Variants in ANKMY1 observed in about 807,000 individuals in gnomAD.
The protein encoded by ANKMY1 is ankyrin repeat and MYND domain containing 1, also known as ankyrin repeat and MYND domain-containing protein 1.
Under a neutral mutation model 102.0 loss-of-function variants are expected in ANKMY1, and 98 were observed. The observed-to-expected ratio is 0.96, with a 90% CI of 0.82 to 1.14. ANKMY1 has a LOEUF of 1.14. Ranked by LOEUF, ANKMY1 falls within the 50% of genes most tolerant of loss-of-function variation. The pLI, the probability that ANKMY1 is intolerant of heterozygous loss-of-function variation, is 0.00. For synonymous variants in ANKMY1, 582 were observed against 559.9 expected, an observed-to-expected ratio of 1.04 and a Z score of -0.56; for missense variants, 1,330 against 1,347.6, an observed-to-expected ratio of 0.99 and a Z score of 0.20.
intron 16 of ANKMY1, 89 bp from the exon 17 acceptor site, chr2:240,481,186 G>C (rs944787412): frequency 1.3e-6 from 2 of 1,506,468 alleles, no homozygotes; most frequent in Non-Finnish European, 1.8e-6. Flanking sequence ...GCCTGGCCCT[G>C]AGCTCCTGGG....
chr2:240,523,772 A>G lies in ANKMY1; in HGVS notation c.1832+113T>C, dbSNP rs376251536. On this transcript the variant is annotated intron_variant, in intron 8 of 17. Coordinates refer to ENST00000401804, the MANE Select transcript of ANKMY1 (RefSeq NM_001282771.3). Reference sequence around the variant, plus strand: ...GGGATGCTCACACATTCAGACACACATCTCCAGACACAACGCCTCCCACTG... The same window carrying G: ...GGGATGCTCACACATTCAGACACACGTCTCCAGACACAACGCCTCCCACTG... 333 of 1,450,146 alleles carry G rather than the reference A, an allele frequency of 2.3e-4. 1 individual carries two copies. Among genetic ancestry groups the G allele is most frequent in the Admixed American group, 2.6e-4 (12 of 45,358 alleles). 89.8% of individuals were successfully genotyped at this position (1,450,146 alleles called of 1,614,324 possible).
chr2:240,504,446 C>G (rs1553565134), intron 13 of ANKMY1, among the ~76,000 whole-genome samples: 4 of 151,498 alleles, frequency 2.6e-5, no homozygotes, highest in Non-Finnish European at 1.5e-5. Context: ...AAGGCAAAGG[C>G]AACAAAAGAA....
chr2:240,521,655 C>G (rs567954469), intron 8 of ANKMY1, among the ~76,000 whole-genome samples: 1 of 151,994 alleles, frequency 6.6e-6, no homozygotes, highest in Non-Finnish European at 1.5e-5. Flanking sequence ...CCCGCCACCA[C>G]GCCTGGCTAA....
downstream of ANKMY1, among the ~76,000 whole-genome samples, chr2:240,478,839 A>G (rs1343006751): frequency 6.7e-6 from 1 of 149,456 alleles, no homozygotes; most frequent in Non-Finnish European, 1.5e-5. Context: ...CACCCCCCAC[A>G]CTCCCAGCTA....
chr2:240,557,483 TG>T, intron 1 of ANKMY1, 131 bp from the exon 2 acceptor site: 4 of 1,077,236 alleles, frequency 3.7e-6, no homozygotes, highest in Non-Finnish European at 4.9e-6. Flanking sequence ...CGCCGGAGCC[TG>T]GGCCGCCACC....
rs1320856970 is a variant in ANKMY1 at position 240,520,478 on chromosome 2, T to C, written c.1888A>G (p.Asn630Asp). The change falls in exon 9 of 18, where the codon AAC becomes GAC. Residue 630 changes from asparagine (N) to aspartate (D), a missense_variant. Physicochemically the swap from Asn to Asp is conservative, Grantham distance 23. Coordinates refer to ENST00000401804, the MANE Select transcript of ANKMY1 (RefSeq NM_001282771.3). This position sits in a 1 kb window ranked among gnomAD's most constrained non-coding sequence, Gnocchi z 4.8. Reference sequence around the variant, plus strand: ...ACCTGCATGGGCACGCAGCACAGGTTGGGGTCCGCGCCCCGGCGCAGCAGC... The same window carrying C: ...ACCTGCATGGGCACGCAGCACAGGTCGGGGTCCGCGCCCCGGCGCAGCAGC... ...KLLLRRGADP[N>D]LCCVPMQVLF... 6.2e-7 allele frequency: 1 copy of C among 1,613,362 alleles called. No individual in the cohort carries two copies. Among genetic ancestry groups the C allele is most frequent in the Non-Finnish European group, 8.5e-7 (1 of 1,179,742 alleles).
intron 4 of ANKMY1, among the ~76,000 whole-genome samples, chr2:240,540,522 G>A (rs1476907469): frequency 6.6e-6 from 1 of 152,168 alleles, no homozygotes; most frequent in African/African-American, 2.4e-5. Flanking sequence ...CATCCAATGA[G>A]ACTCCAGGCC....
At chr2:240,523,859 C>A (rs2082810568) in intron 8 of ANKMY1, 26 bp downstream of exon 8, 1 of 1,601,616 alleles carries the variant, frequency 6.2e-7, no homozygotes, top group Non-Finnish European at 8.5e-7. Flanking sequence ...GGCCCTCCAC[C>A]CCCACCAGCT....
chr2:240,508,116 A>G (rs1037849210), intron 12 of ANKMY1, among the ~76,000 whole-genome samples: 1 of 152,226 alleles, frequency 6.6e-6, no homozygotes, highest in Non-Finnish European at 1.5e-5. Flanking sequence ...GCACCGGGGC[A>G]CCAGTGTCAA....
intron 13 of ANKMY1, among the ~76,000 whole-genome samples, chr2:240,503,105 G>A (rs1304708576): frequency 1.3e-5 from 2 of 152,202 alleles, no homozygotes; most frequent in African/African-American, 4.8e-5. Context: ...CCTGCTGAAC[G>A]GCACCGGGAG....
intron 4 of ANKMY1, among the ~76,000 whole-genome samples, chr2:240,543,219 G>A (rs2089451469): frequency 6.6e-6 from 1 of 151,814 alleles, no homozygotes; most frequent in South Asian, 2.1e-4. Flanking sequence ...CGGGTGTGGT[G>A]GCGGGCACCT....
chr2:240,497,549 T>C (rs1431592043), intron 15 of ANKMY1, among the ~76,000 whole-genome samples: 2 of 152,234 alleles, frequency 1.3e-5, no homozygotes, highest in Non-Finnish European at 2.9e-5. Flanking sequence ...TGCTGTGTGC[T>C]CTTTAGATCA....
intron 4 of ANKMY1, among the ~76,000 whole-genome samples, chr2:240,549,934 C>T (rs2091197981): frequency 6.6e-6 from 1 of 151,820 alleles, no homozygotes; most frequent in Admixed American, 6.6e-5. Context: ...TAAACTAGTT[C>T]AACCATTGTG....
At chr2:240,479,004 C>T (rs2075052508), downstream of ANKMY1, among the ~76,000 whole-genome samples, 1 of 152,232 alleles carries the variant, frequency 6.6e-6, no homozygotes, top group Non-Finnish European at 1.5e-5. Context: ...TCGAAGGCAA[C>T]ACTGCTCCCT....
At chr2:240,473,683 G>A in the ANKMY1 span, among the ~76,000 whole-genome samples, 1 of 152,176 alleles carries the variant, frequency 6.6e-6, no homozygotes, top group Non-Finnish European at 1.5e-5. Context: ...CCATATGGAT[G>A]TGGATATATG....
At chr2:240,484,917 C>T (rs149252585) in intron 15 of ANKMY1, among the ~76,000 whole-genome samples, 4 of 151,992 alleles carry the variant, frequency 2.6e-5, no homozygotes, top group Non-Finnish European at 4.4e-5. Context: ...TCTCAAAAGA[C>T]GACATTTATG....
intron 17 of ANKMY1, among the ~76,000 whole-genome samples, chr2:240,480,569 T>G (rs2075264302): frequency 6.6e-6 from 1 of 152,160 alleles, no homozygotes; most frequent in African/African-American, 2.4e-5. Flanking sequence ...GAGGCACTGG[T>G]GACCAGCAGA....
chr2:240,511,834 C>A (rs757820353), intron 11 of ANKMY1, 27 bp downstream of exon 11: 2 of 1,561,346 alleles, frequency 1.3e-6, no homozygotes, highest in East Asian at 2.4e-5. Context: ...CAGCCCTGTG[C>A]CCCCGCCAGG....
chr2:240,518,941 A>G (rs1348808673), intron 9 of ANKMY1, among the ~76,000 whole-genome samples: 1 of 152,170 alleles, frequency 6.6e-6, no homozygotes, highest in Non-Finnish European at 1.5e-5. Context: ...GCCCTCAAAC[A>G]CTCAATGCCG....
Sources: gnomAD v4.1 joint callset for allele counts (sites outside exome capture counted in the v4.1 genomes callset) on GRCh38, gnomAD v4.1.1 for gene constraint, Gnocchi (gnomAD v3.1) non-coding constraint, MANE v1.5 for transcripts, NCBI Gene and HGNC (gene_info 2026-07-23, HGNC 2026-07-21) for gene names.